Variants in FER observed in about 807,000 individuals in gnomAD.
The protein encoded by FER is FER tyrosine kinase, also known as tyrosine-protein kinase Fer.
A neutral mutation model predicts 111.0 loss-of-function variants in FER; 63 were observed. That is an observed-to-expected ratio of 0.57 (90% CI 0.46 to 0.70). The LOEUF (loss-of-function observed/expected upper bound fraction) is 0.70, where lower values mean the gene tolerates loss of function less well. FER is among the 30% of genes least tolerant of loss of function. FER has a pLI of 0.00. For missense variants in FER, 914 were observed against 954.0 expected (o/e 0.96, Z 0.55); for synonymous variants, 327 against 313.9 (o/e 1.04, Z -0.44).
rs141552161 is a variant in FER at position 109,074,887 on chromosome 5, A to G, written c.1925-25509A>G. 3.8e-4 allele frequency among the ~76,000 whole-genome samples: 58 copies of G among 152,368 alleles called. No homozygotes were observed. In the East Asian group the frequency reaches 0.011, roughly 28 times the overall value. Reference sequence around the variant, plus strand: ...TAAGTATTCATAATACTAACATACAACGTGATTAAAGAACAAATGATTCTT... The same window carrying G: ...TAAGTATTCATAATACTAACATACAGCGTGATTAAAGAACAAATGATTCTT... On this transcript the variant is annotated intron_variant, in intron 16 of 19. Coordinates refer to ENST00000281092, the MANE Select transcript of FER (RefSeq NM_005246.4).
intron 5 of FER, chr5:108,841,697 T>C (rs1761286310): frequency 5.2e-6 from 1 of 192,588 alleles, no homozygotes. Context: ...AGTAACAAAG[T>C]AGTATTTAAG....
intron 6 of FER, among the ~76,000 whole-genome samples, chr5:108,870,328 C>T (rs1320507055): frequency 2.0e-5 from 3 of 152,220 alleles, no homozygotes; most frequent in South Asian, 4.1e-4. Flanking sequence ...CTCCACATTA[C>T]ACCTATTTAC....
chr5:109,015,132 A>G lies in FER; in HGVS notation c.1657-22290A>G, dbSNP rs534465967. ...AACATACATCTTGATTTTTTTGTAT[A>G]TGTATGATTTGATAAGCCCCTTGTT... On this transcript the variant is annotated intron_variant, in intron 13 of 19. Transcript: ENST00000281092. Among the ~76,000 whole-genome samples, 29 of 152,208 alleles carry G rather than the reference A, an allele frequency of 1.9e-4. No homozygotes were observed. In the South Asian group the frequency reaches 6.0e-3, roughly 32 times the overall value.
chr5:108,824,586 T>A (rs943922381), intron 3 of FER, among the ~76,000 whole-genome samples: 6 of 152,152 alleles, frequency 3.9e-5, no homozygotes, highest in African/African-American at 1.4e-4. Context: ...CTAATTTCTT[T>A]TTTGGATAGT....
intron 8 of FER, among the ~76,000 whole-genome samples, chr5:108,877,917 T>G (rs778346141): frequency 1.3e-4 from 20 of 152,120 alleles, no homozygotes; most frequent in Non-Finnish European, 2.5e-4. Context: ...TTTGTATCTT[T>G]TTTTTTTAGA....
At chr5:109,083,353 C>A (rs1476974734) in intron 16 of FER, among the ~76,000 whole-genome samples, 8 of 151,872 alleles carry the variant, frequency 5.3e-5, no homozygotes, top group Admixed American at 5.3e-4. Flanking sequence ...GCATGCAGTC[C>A]CACATCATAC....
chr5:108,879,530 T>C (rs1765424391), intron 8 of FER, among the ~76,000 whole-genome samples: 1 of 151,750 alleles, frequency 6.6e-6, no homozygotes, highest in South Asian at 2.1e-4. Flanking sequence ...TACTTTGAAA[T>C]TTATGAACTA....
At chr5:109,034,634 T>A (rs1279989365) in intron 13 of FER, among the ~76,000 whole-genome samples, 1 of 152,124 alleles carries the variant, frequency 6.6e-6, no homozygotes, top group African/African-American at 2.4e-5. Context: ...AGCTCTCCAG[T>A]GCCTTTAAAT....
intron 14 of FER, among the ~76,000 whole-genome samples, chr5:109,038,476 A>G (rs867429170): frequency 1.3e-5 from 2 of 151,948 alleles, no homozygotes; most frequent in Non-Finnish European, 2.9e-5. Context: ...GAGAAAGTAA[A>G]TCTCTGTTGA....
chr5:109,186,302 C>T lies in FER; in HGVS notation c.2306C>T (p.Ala769Val), dbSNP rs765547770. 13 of 1,614,032 alleles carry T rather than the reference C, an allele frequency of 8.1e-6. No homozygotes were observed. Among genetic ancestry groups the T allele is most frequent in the Non-Finnish European group, 1.1e-5 (13 of 1,179,986 alleles). Residue 769 changes from alanine (A) to valine (V), a missense_variant, in exon 19 of 20, where the codon GCA becomes GTA. By Grantham distance (64) the Ala-to-Val change is moderately conservative. Coordinates refer to ENST00000281092, the MANE Select transcript of FER (RefSeq NM_005246.4). ...TACCCTGGAATGACAAATCAGCAAG[C>T]AAGAGAGCAAGTAGAAAGAGGTGAG... is the stretch of plus-strand genomic sequence containing the variant. ...CPYPGMTNQQ[A>V]REQVERGYRM...
At chr5:109,025,173 T>C (rs1224034009) in intron 13 of FER, among the ~76,000 whole-genome samples, 3 of 151,986 alleles carry the variant, frequency 2.0e-5, no homozygotes, top group Non-Finnish European at 4.4e-5. Flanking sequence ...ATTGGTAGCT[T>C]GATGGGGATG....
chr5:109,140,686 G>A (rs1207948031), intron 17 of FER, among the ~76,000 whole-genome samples: 1 of 152,160 alleles, frequency 6.6e-6, no homozygotes, highest in Admixed American at 6.6e-5. Flanking sequence ...TGCTGCTAAT[G>A]ATAGCAAAAT....
chr5:109,121,972 T>A (rs1751036534), intron 17 of FER, among the ~76,000 whole-genome samples: 1 of 152,090 alleles, frequency 6.6e-6, no homozygotes, highest in Non-Finnish European at 1.5e-5. Context: ...TTTATTTGTG[T>A]CTTCTCTTTT....
intron 16 of FER, among the ~76,000 whole-genome samples, chr5:109,099,765 T>G (rs542098287): frequency 6.6e-6 from 1 of 151,610 alleles, no homozygotes; most frequent in Non-Finnish European, 1.5e-5. Context: ...TATGTATGTC[T>G]TGGACCATAA....
At chr5:109,061,653 T>C (rs183812957) in intron 16 of FER, among the ~76,000 whole-genome samples, 267 of 152,330 alleles carry the variant, frequency 1.8e-3, no homozygotes, top group Non-Finnish European at 3.2e-3. Context: ...TTTCATAATT[T>C]CTCAACCTTG....
intron 10 of FER, among the ~76,000 whole-genome samples, chr5:108,935,396 C>T (rs563067525): frequency 2.0e-5 from 3 of 152,126 alleles, no homozygotes; most frequent in South Asian, 2.1e-4. Flanking sequence ...AAGTCTCTTA[C>T]GAGGAAACTT....
intron 13 of FER, among the ~76,000 whole-genome samples, chr5:108,965,922 A>G (rs1759748132): frequency 6.6e-6 from 1 of 152,174 alleles, no homozygotes; most frequent in African/African-American, 2.4e-5. Context: ...TTAAGATTGG[A>G]CTTTAGGCTT....
chr5:109,052,321 C>G (rs779610374), intron 16 of FER: 203 of 1,604,438 alleles, frequency 1.3e-4, no homozygotes, highest in Middle Eastern at 6.6e-4. Context: ...CTGCTCATCT[C>G]CCCAGGCTGA....
At chr5:109,161,608 A>T (rs978250415) in intron 17 of FER, among the ~76,000 whole-genome samples, 7 of 152,160 alleles carry the variant, frequency 4.6e-5, no homozygotes, top group Non-Finnish European at 7.4e-5. Context: ...TCCATGATGT[A>T]TATGTACCAC....
Sources: allele counts gnomAD v4.1 joint callset (sites outside exome capture counted in the v4.1 genomes callset), GRCh38; gene constraint gnomAD v4.1.1; transcripts MANE v1.5; gene names NCBI Gene and HGNC (gene_info 2026-07-23, HGNC 2026-07-21).